The following PDE4D variants were observed in gnomAD, a reference collection of about 807,000 sequenced individuals.
PDE4D encodes the protein phosphodiesterase 4D, also known as 3',5'-cyclic-AMP phosphodiesterase 4D.
A neutral mutation model predicts 87.4 loss-of-function variants in PDE4D; 24 were observed. That is an observed-to-expected ratio of 0.27 (90% CI 0.20 to 0.39). The LOEUF is 0.39. Ranked by LOEUF, PDE4D falls within the 10% of genes least tolerant of loss-of-function variation. The pLI is 1.00. For synonymous variants in PDE4D, 384 were observed against 383.2 expected (o/e 1.00, Z -0.02); for missense variants, 714 against 1,041.0 (o/e 0.69, Z 4.32).
In PDE4D at chr5:58,988,020, T is replaced by A. The variant is rs1746905898; in HGVS notation, c.1552+473A>T. On this transcript the variant is annotated intron_variant, in intron 11 of 14. Coordinates refer to ENST00000340635, the MANE Select transcript of PDE4D (RefSeq NM_001104631.2). ...AAAAAACCAAATGGTTGAAAAAATA[T>A]TAAGAAGTTCCTGTTACCCTTATTA... Among the ~76,000 whole-genome samples, 3 of 152,204 alleles carry A rather than the reference T, an allele frequency of 2.0e-5. No individual in the cohort carries two copies. The South Asian group carries it at 6.2e-4, about 32-fold the overall frequency.
chr5:59,526,467 T>G (rs1413909543), intron 1 of PDE4D, among the ~76,000 whole-genome samples: 1 of 152,218 alleles, frequency 6.6e-6, no homozygotes, highest in African/African-American at 2.4e-5. Flanking sequence ...TCAGCTTTTC[T>G]CTCCACTTTT....
At chr5:59,894,737 T>A (rs932932619), upstream of PDE4D, among the ~76,000 whole-genome samples, 1 of 152,228 alleles carries the variant, frequency 6.6e-6, no homozygotes, top group African/African-American at 2.4e-5. Context: ...TAAAGTGTTT[T>A]AAAAACATGT....
intron 1 of PDE4D, among the ~76,000 whole-genome samples, chr5:59,475,870 TTC>T (rs1803225694): frequency 2.0e-5 from 3 of 152,108 alleles, no homozygotes; most frequent in Non-Finnish European, 4.4e-5. Context: ...TCTTTAAAAT[TTC>T]TCTTTTTTTC....
intron 2 of PDE4D, among the ~76,000 whole-genome samples, chr5:60,023,934 C>G (rs1406654455): frequency 1.3e-5 from 2 of 152,114 alleles, no homozygotes; most frequent in Non-Finnish European, 2.9e-5. Flanking sequence ...TAGTATTTCT[C>G]TAAAAAATGG....
At chr5:59,274,204 T>C (rs1448734231) in intron 1 of PDE4D, among the ~76,000 whole-genome samples, 4 of 152,152 alleles carry the variant, frequency 2.6e-5, no homozygotes, top group Admixed American at 1.3e-4. Context: ...CAAGGAATAA[T>C]TTATTGCACG....
intron 1 of PDE4D, among the ~76,000 whole-genome samples, chr5:59,648,358 T>C (rs963709803): frequency 6.6e-6 from 1 of 152,156 alleles, no homozygotes; most frequent in Non-Finnish European, 1.5e-5. Context: ...AAATATGAGA[T>C]TGAAAAACAA....
chr5:59,485,472 T>C (rs1359420999), intron 1 of PDE4D, among the ~76,000 whole-genome samples: 2 of 152,200 alleles, frequency 1.3e-5, no homozygotes, highest in African/African-American at 2.4e-5. Flanking sequence ...GAATTTTGTT[T>C]TTTAGATTTA....
intron 1 of PDE4D, among the ~76,000 whole-genome samples, chr5:59,453,587 C>T (rs1799477117): frequency 6.6e-6 from 1 of 152,268 alleles, no homozygotes; most frequent in East Asian, 1.9e-4. Context: ...GATAGAAGAT[C>T]AAACCAGCCA....
chr5:59,034,724 T>C (rs1296422194), intron 6 of PDE4D, among the ~76,000 whole-genome samples: 1 of 152,158 alleles, frequency 6.6e-6, no homozygotes, highest in Non-Finnish European at 1.5e-5. Context: ...CATGACCACA[T>C]TTGTAAAGCT....
intron 5 of PDE4D, among the ~76,000 whole-genome samples, chr5:59,042,486 A>G (rs1000894219): frequency 6.6e-6 from 1 of 152,182 alleles, no homozygotes; most frequent in Non-Finnish European, 1.5e-5. Flanking sequence ...ATTCATTAAT[A>G]AAATACTTCC....
intron 1 of PDE4D, among the ~76,000 whole-genome samples, chr5:59,620,183 G>A (rs556569800): frequency 1.3e-5 from 2 of 152,148 alleles, no homozygotes; most frequent in Non-Finnish European, 2.9e-5. Flanking sequence ...CTAGAGAAAT[G>A]AATGGGATTT....
rs530983535 is a variant in PDE4D at position 60,431,998 on chromosome 5, T to C, written c.-90+55944A>G. On this transcript the variant is annotated intron_variant, in intron 1 of 16. Transcript: ENST00000502484. ...GAGGCAGGAGAATCAGGCAGGGAGG[T>C]TGCAGTGAGCCGAGGTGGCAGCAGT... 1.4e-4 allele frequency among the ~76,000 whole-genome samples: 21 copies of C among 151,784 alleles called. No individual in the cohort carries two copies. The South Asian group carries it at 4.4e-3, about 32-fold the overall frequency.
chr5:60,307,583 C>T (rs1268939205), intron 1 of PDE4D, among the ~76,000 whole-genome samples: 2 of 152,028 alleles, frequency 1.3e-5, no homozygotes, highest in African/African-American at 4.8e-5. Context: ...AGTGAAATGG[C>T]CCATAGAACA....
At chr5:59,819,250 T>C (rs1209142530) in intron 1 of PDE4D, among the ~76,000 whole-genome samples, 2 of 152,230 alleles carry the variant, frequency 1.3e-5, no homozygotes, top group East Asian at 3.8e-4. Context: ...GGGTGGAATC[T>C]ATGCAGGTTT....
At chr5:59,109,954 G>A (rs1184241730) in intron 5 of PDE4D, among the ~76,000 whole-genome samples, 2 of 152,176 alleles carry the variant, frequency 1.3e-5, no homozygotes, top group Admixed American at 1.3e-4. Context: ...CCCATGGAGA[G>A]AGGGAGCGCC....
chr5:60,107,825 A>C (rs994396941), intron 2 of PDE4D, among the ~76,000 whole-genome samples: 18 of 152,214 alleles, frequency 1.2e-4, no homozygotes, highest in African/African-American at 2.4e-4. Context: ...ATGCTAAAAA[A>C]TCTCAATAAA....
intron 1 of PDE4D, among the ~76,000 whole-genome samples, chr5:59,233,127 A>G (rs1755616464): frequency 1.3e-5 from 2 of 152,180 alleles, no homozygotes; most frequent in African/African-American, 4.8e-5. Flanking sequence ...GATTATAGTT[A>G]AGAATAATGT....
At chr5:59,269,493 C>T (rs1009854799) in intron 1 of PDE4D, among the ~76,000 whole-genome samples, 9 of 152,194 alleles carry the variant, frequency 5.9e-5, no homozygotes, top group Admixed American at 2.0e-4. Context: ...ACATTACCTA[C>T]GAGTTTATCC....
At chr5:60,111,289 T>A (rs2149358101) in intron 2 of PDE4D, among the ~76,000 whole-genome samples, 1 of 152,132 alleles carries the variant, frequency 6.6e-6, no homozygotes, top group Admixed American at 6.6e-5. Flanking sequence ...TGTACAATGA[T>A]TATGAATCAG....
Sources: gnomAD v4.1 joint callset for allele counts (sites outside exome capture counted in the v4.1 genomes callset) on GRCh38, gnomAD v4.1.1 for gene constraint, MANE v1.5 for transcripts, NCBI Gene and HGNC (gene_info 2026-07-23, HGNC 2026-07-21) for gene names.